The following IGF2BP3 variants were observed in gnomAD, a reference collection of about 807,000 sequenced individuals.
IGF2BP3 encodes the protein insulin-like growth factor 2 mRNA-binding protein 3.
A neutral mutation model predicts 73.8 loss-of-function variants in IGF2BP3; 9 were observed. That is an observed-to-expected ratio of 0.12 (90% CI 0.07 to 0.21). The LOEUF is 0.21. IGF2BP3 is among the 10% of genes least tolerant of loss of function. IGF2BP3 has a pLI of 1.00. For missense variants in IGF2BP3, 542 were observed against 714.0 expected (o/e 0.76, Z 2.75); for synonymous variants, 258 against 256.7 (o/e 1.01, Z -0.05).
At chr7:23,371,743 C>T (rs368908342) in intron 3 of IGF2BP3, among the ~76,000 whole-genome samples, 22 of 152,304 alleles carry the variant, frequency 1.4e-4, no homozygotes, top group South Asian at 4.2e-4. Context: ...CGGAGCAAAG[C>T]GTCCCAACTT....
At position 23,437,265 on chromosome 7, in the gene IGF2BP3, T is replaced by C. The variant is rs1389905826; in HGVS notation, c.237-18441A>G. On this transcript the variant is annotated intron_variant, in intron 2 of 14. Transcript: ENST00000258729. ...GGGAGGCTGAGGTGGGTGGATCACC[T>C]AAGGTCAGCAGTTCAAGACCAGTCT... Among the ~76,000 whole-genome samples the C allele has an allele frequency of 2.0e-5, 3 of 152,042 alleles. No individual in the cohort carries two copies. The East Asian group carries it at 5.8e-4, about 29-fold the overall frequency.
chr7:23,312,322 G>T lies in IGF2BP3; in HGVS notation c.*40C>A. ...CTGTTGGTTAAGCAATCTGTCTTTG[G>T]TTTGGCATCTGCCTCTGTGGTGGGC... On this transcript the variant is annotated 3_prime_UTR_variant, in exon 15 of 15. Coordinates refer to ENST00000258729, the MANE Select transcript of IGF2BP3 (RefSeq NM_006547.3). The T allele has an allele frequency of 3.5e-6, 5 of 1,416,274 alleles. No individual in the cohort carries two copies. Among genetic ancestry groups the T allele is most frequent in the Non-Finnish European group, 5.0e-6 (5 of 1,001,554 alleles). 87.7% of individuals were successfully genotyped at this position (1,416,274 alleles called of 1,614,324 possible).
chr7:23,470,097 T>C lies in IGF2BP3; in HGVS notation c.14A>G (p.Tyr5Cys). The part of the protein sequence containing the change: MNKL[Y>C]IGNLSENAAP... ...GGCGTTCTCGCTGAGGTTTCCGATA[T>C]ACAGTTTGTTCATTGTGAAGAGTGG... Residue 5 changes from tyrosine to cysteine, a missense_variant, in exon 1 of 15, where the codon TAT becomes TGT. Coordinates refer to ENST00000258729, the MANE Select transcript of IGF2BP3 (RefSeq NM_006547.3). 6.2e-7 allele frequency: 1 copy of C among 1,607,162 alleles called. No individual in the cohort carries two copies. Among genetic ancestry groups the C allele is most frequent in the Non-Finnish European group, 8.5e-7 (1 of 1,178,154 alleles).
At chr7:23,370,912 CAA>C (rs1179857682) in intron 3 of IGF2BP3, among the ~76,000 whole-genome samples, 4 of 152,216 alleles carry the variant, frequency 2.6e-5, no homozygotes, top group African/African-American at 9.6e-5. Context: ...CTCCTGACCT[CAA>C]GTGATGTGCC....
intron 2 of IGF2BP3, among the ~76,000 whole-genome samples, chr7:23,426,639 G>C (rs1787519412): frequency 6.6e-6 from 1 of 152,184 alleles, no homozygotes; most frequent in African/African-American, 2.4e-5. Flanking sequence ...TGACACTCCT[G>C]TAATAGTGTT....
chr7:23,343,765 T>C lies in IGF2BP3; in HGVS notation c.1030A>G (p.Met344Val). 3.7e-6 allele frequency: 6 copies of C among 1,612,940 alleles called. No individual in the cohort carries two copies. Among genetic ancestry groups the C allele is most frequent in the Non-Finnish European group, 5.1e-6 (6 of 1,179,644 alleles). Residue 344 changes from methionine to valine, a missense_variant, in exon 9 of 15, where the codon ATG becomes GTG. By Grantham distance (21) the Met-to-Val change is conservative. Coordinates refer to ENST00000258729, the MANE Select transcript of IGF2BP3 (RefSeq NM_006547.3). ...TCATAAGACTCCCTGATTTTCTTCA[T>C]GATCTCCTCCTCAGCTTTGGCACAT... ...ETCAKAEEEI[M>V]KKIRESYEND...
intron 3 of IGF2BP3, among the ~76,000 whole-genome samples, chr7:23,406,630 A>G (rs1786840381): frequency 6.6e-6 from 1 of 152,128 alleles, no homozygotes; most frequent in African/African-American, 2.4e-5. Flanking sequence ...TGTGAAGAGC[A>G]AAAGAACAAA....
intron 3 of IGF2BP3, among the ~76,000 whole-genome samples, chr7:23,380,486 C>A (rs1305771796): frequency 6.6e-6 from 1 of 152,036 alleles, no homozygotes; most frequent in African/African-American, 2.4e-5. Context: ...GCTTCTTGGC[C>A]GATGAGTGGC....
chr7:23,426,492 A>G (rs542172637), intron 2 of IGF2BP3, among the ~76,000 whole-genome samples: 9 of 152,204 alleles, frequency 5.9e-5, no homozygotes, highest in Non-Finnish European at 1.3e-4. Flanking sequence ...GATAAGATCC[A>G]TATGTGGCAT....
Position 23,361,698 on chromosome 7 carries a change from C to T in IGF2BP3, c.329G>A (p.Cys110Tyr), listed in dbSNP as rs1220405372. 1 of 1,613,992 alleles carries T rather than the reference C, an allele frequency of 6.2e-7. No individual in the cohort carries two copies. Among genetic ancestry groups the T allele is most frequent in the African/African-American group, 1.3e-5 (1 of 75,046 alleles). Residue 110 changes from cysteine to tyrosine, a missense_variant, in exon 4 of 15, where the codon TGT becomes TAT. Around this residue, in one of 2 missense-constraint regions of IGF2BP3, gnomAD observed 239 missense variants for 241.9 expected, o/e 0.99. Coordinates refer to ENST00000258729, the MANE Select transcript of IGF2BP3 (RefSeq NM_006547.3). ...LLVQYGVVES[C>Y]EQVNTDSETA... ...ATTCAGAAGACATGTACCTTGCTCA[C>T]AGCTCTCCACCACTCCATACTGGAC... is the stretch of plus-strand genomic sequence containing the variant.
chr7:23,327,896 C>T (rs1784345284), intron 10 of IGF2BP3, among the ~76,000 whole-genome samples: 2 of 152,290 alleles, frequency 1.3e-5, no homozygotes, highest in South Asian at 2.1e-4. Context: ...AGATACTGAT[C>T]ACCAACGGCA....
intron 2 of IGF2BP3, among the ~76,000 whole-genome samples, chr7:23,463,735 A>G (rs1219827487): frequency 6.6e-6 from 1 of 152,260 alleles, no homozygotes; most frequent in African/African-American, 2.4e-5. Flanking sequence ...ACAGCCATAC[A>G]GTAGAAGCCA....
chr7:23,315,690 G>C (rs895371628), intron 12 of IGF2BP3, among the ~76,000 whole-genome samples: 4 of 152,118 alleles, frequency 2.6e-5, no homozygotes, highest in African/African-American at 9.7e-5. Flanking sequence ...CAATGACGTA[G>C]ATATTACTAT....
chr7:23,386,086 T>C (rs1786073038), intron 3 of IGF2BP3, among the ~76,000 whole-genome samples: 1 of 152,120 alleles, frequency 6.6e-6, no homozygotes, highest in Non-Finnish European at 1.5e-5. Flanking sequence ...ATAGAGAAAA[T>C]GAGATTGGCC....
chr7:23,443,309 G>T (rs1056325888), intron 2 of IGF2BP3, among the ~76,000 whole-genome samples: 1 of 151,900 alleles, frequency 6.6e-6, no homozygotes, highest in Non-Finnish European at 1.5e-5. Flanking sequence ...ATTTTTAGTA[G>T]AGACAGGGTT....
intron 10 of IGF2BP3, among the ~76,000 whole-genome samples, chr7:23,330,710 C>T (rs1320461714): frequency 6.6e-6 from 1 of 151,350 alleles, no homozygotes; most frequent in African/African-American, 2.4e-5. Context: ...TCCCAGAGTG[C>T]TGGAATTACT....
chr7:23,322,265 G>A (rs113086247), intron 10 of IGF2BP3, among the ~76,000 whole-genome samples: 10,780 of 151,982 alleles, frequency 0.071, 764 homozygotes, highest in African/African-American at 0.18. Flanking sequence ...CGAGAACTAC[G>A]TGAAGAATGC....
chr7:23,395,916 A>T (rs1786442904), intron 3 of IGF2BP3, among the ~76,000 whole-genome samples: 1 of 151,692 alleles, frequency 6.6e-6, no homozygotes, highest in South Asian at 2.1e-4. Context: ...ACAGAGCGAG[A>T]CTCCATCTCA....
chr7:23,452,802 A>G (rs1185279253), intron 2 of IGF2BP3, among the ~76,000 whole-genome samples: 5 of 145,802 alleles, frequency 3.4e-5, no homozygotes, highest in East Asian at 4.0e-4. Context: ...ACTCATCTCA[A>G]AAAAAAAAAA....
Sources: allele counts gnomAD v4.1 joint callset (sites outside exome capture counted in the v4.1 genomes callset), GRCh38; gene constraint gnomAD v4.1.1; regional missense constraint gnomAD v4.1.1; transcripts MANE v1.5; gene names NCBI Gene and HGNC (gene_info 2026-07-23, HGNC 2026-07-21).